HP1BP3: variants seen among roughly 807,000 people sequenced by gnomAD.
HP1BP3 encodes heterochromatin protein 1 binding protein 3.
HP1BP3 carries 12 observed loss-of-function variants against 62.5 expected under a neutral mutation model. The ratio of observed to expected loss-of-function variants is 0.19; its 90% CI spans 0.12 to 0.31. The LOEUF (loss-of-function observed/expected upper bound fraction) is 0.31, where lower values mean the gene tolerates loss of function less well. Ranked by LOEUF, HP1BP3 falls within the 10% of genes least tolerant of loss-of-function variation. The pLI, the probability that HP1BP3 is intolerant of heterozygous loss-of-function variation, is 1.00. For synonymous variants in HP1BP3, 260 were observed against 237.8 expected, an observed-to-expected ratio of 1.09 and a Z score of -0.86; for missense variants, 502 against 651.8, an observed-to-expected ratio of 0.77 and a Z score of 2.50.
intron 1 of HP1BP3, among the ~76,000 whole-genome samples, chr1:20,781,727 A>G (rs2057559378): frequency 6.6e-6 from 1 of 152,164 alleles, no homozygotes; most frequent in African/African-American, 2.4e-5. Flanking sequence ...CCTTGGTTCA[A>G]GCGATTCTCC....
chr1:20,752,778 T>A (rs1169590218), intron 9 of HP1BP3, among the ~76,000 whole-genome samples: 1 of 152,216 alleles, frequency 6.6e-6, no homozygotes, highest in Non-Finnish European at 1.5e-5. Flanking sequence ...CTAAAAATTA[T>A]TTTATTAAAT....
intron 9 of HP1BP3, among the ~76,000 whole-genome samples, chr1:20,756,738 T>C (rs573898866): frequency 2.0e-5 from 3 of 152,354 alleles, no homozygotes; most frequent in East Asian, 3.9e-4. Context: ...TTGTTTGAGA[T>C]GGCATCTCGC....
chr1:20,771,057 C>T lies in HP1BP3; in HGVS notation c.527G>A (p.Ser176Asn). ...TEAIKACFQK[S>N]GASVVAIRKY... ...TCGAATAGCAACCACTGATGCACCA[C>T]TCTTCTGGAAGCATGCCTAGAAAAG... The change falls in exon 6 of 13, where the codon AGT (serine) becomes AAT (asparagine). Residue 176 changes from serine to asparagine, a missense_variant. Around this residue, in one of 5 missense-constraint regions of HP1BP3, gnomAD observed 111 missense variants for 242.0 expected, o/e 0.46. Coordinates refer to ENST00000438032, the MANE Select transcript of HP1BP3 (RefSeq NM_001372052.1). The T allele has an allele frequency of 6.2e-7, 1 of 1,605,664 alleles. No homozygotes were observed. Among genetic ancestry groups the T allele is most frequent in the Non-Finnish European group, 8.5e-7 (1 of 1,177,294 alleles).
At chr1:20,779,713 A>AG in intron 3 of HP1BP3, 99 bp downstream of exon 3, 1 of 576,032 alleles carries the variant, frequency 1.7e-6, no homozygotes, top group Non-Finnish European at 2.7e-6. Flanking sequence ...TTAGCCATGA[A>AG]AAAAAAAAAA....
intron 6 of HP1BP3, among the ~76,000 whole-genome samples, chr1:20,768,389 T>C (rs1252067392): frequency 6.6e-6 from 1 of 152,094 alleles, no homozygotes; most frequent in Non-Finnish European, 1.5e-5. Context: ...GAGCTTGCAG[T>C]GAGCTGAGAT....
intron 6 of HP1BP3, 53 bp from the exon 7 acceptor site, chr1:20,767,717 A>G (rs1343160602): frequency 8.5e-7 from 1 of 1,181,222 alleles, no homozygotes; most frequent in Non-Finnish European, 1.2e-6. Context: ...ACAGTAGGCT[A>G]AGGAAATTAC....
intron 1 of HP1BP3, among the ~76,000 whole-genome samples, chr1:20,785,115 G>A (rs138579341): frequency 2.1e-3 from 319 of 152,190 alleles, no homozygotes; most frequent in African/African-American, 7.3e-3. Context: ...TAGAGACAGG[G>A]TTGCCCAAGC....
At chr1:20,757,037 T>C in intron 9 of HP1BP3, 129 bp downstream of exon 9, 1 of 543,434 alleles carries the variant, frequency 1.8e-6, no homozygotes, top group Non-Finnish European at 3.3e-6. Context: ...ACATAGTAAA[T>C]GTTGACAGAT....
chr1:20,742,034 T>A lies in HP1BP3; in HGVS notation c.*2763A>T, dbSNP rs184794216. ...CCCTTTACATCACACTGAAACAAAC[T>A]GTCCTTATAGTTAACAGAACGTTAG... is the stretch of plus-strand genomic sequence containing the variant. On this transcript the variant is annotated 3_prime_UTR_variant, in exon 13 of 13. Coordinates refer to ENST00000438032, the MANE Select transcript of HP1BP3 (RefSeq NM_001372052.1). Among the ~76,000 whole-genome samples the A allele has an allele frequency of 6.6e-6, 1 of 152,366 alleles. No homozygotes were observed. The highest frequency in any genetic ancestry group is 2.1e-4 in the South Asian group (1 of 4,824).
chr1:20,756,534 C>A (rs1236167794), intron 9 of HP1BP3, among the ~76,000 whole-genome samples: 1 of 152,082 alleles, frequency 6.6e-6, no homozygotes, highest in African/African-American at 2.4e-5. Context: ...TGTGCCACTG[C>A]ACTCCAGCCT....
chr1:20,764,303 A>G (rs2056647281), intron 8 of HP1BP3, among the ~76,000 whole-genome samples: 1 of 151,680 alleles, frequency 6.6e-6, no homozygotes, highest in Non-Finnish European at 1.5e-5. Context: ...TTAAAGGCTA[A>G]GAATAAATTA....
chr1:20,745,342 C>T (rs939946240), intron 12 of HP1BP3, among the ~76,000 whole-genome samples: 10 of 152,164 alleles, frequency 6.6e-5, no homozygotes, highest in African/African-American at 2.4e-4. Flanking sequence ...AATAACTAAA[C>T]TATGGATACA....
At chr1:20,776,360 C>T (rs1011575539) in intron 4 of HP1BP3, 17 of 443,792 alleles carry the variant, frequency 3.8e-5, no homozygotes, top group Non-Finnish European at 5.1e-5. Context: ...AAACACATTC[C>T]AAAGCCAATG....
chr1:20,777,028 T>C (rs1206283255), intron 3 of HP1BP3, among the ~76,000 whole-genome samples: 2 of 152,216 alleles, frequency 1.3e-5, no homozygotes, highest in Admixed American at 6.5e-5. Flanking sequence ...ATTATTCTAC[T>C]TTGCAATATT....
Position 20,741,771 on chromosome 1 carries a change from C to A in HP1BP3, c.*3026G>T, listed in dbSNP as rs1487743432. ...GTGTATGAAACACTGTAAATGAGGT[C>A]ACTAAGCCACCAACAGAGTACTGAA... is the stretch of plus-strand genomic sequence containing the variant. On this transcript the variant is annotated 3_prime_UTR_variant, in exon 13 of 13. Transcript: ENST00000438032. 1.3e-5 allele frequency among the ~76,000 whole-genome samples: 2 copies of A among 152,178 alleles called. No individual in the cohort carries two copies. Among genetic ancestry groups the A allele is most frequent in the African/African-American group, 4.8e-5 (2 of 41,436 alleles).
At chr1:20,759,878 C>T (rs1026695211) in intron 8 of HP1BP3, among the ~76,000 whole-genome samples, 11 of 122,568 alleles carry the variant, frequency 9.0e-5, no homozygotes, top group Admixed American at 7.4e-4. Flanking sequence ...TTTTAAAGAC[C>T]GATTTTTTTT....
chr1:20,761,562 A>C (rs2056484212), intron 8 of HP1BP3, among the ~76,000 whole-genome samples: 1 of 145,830 alleles, frequency 6.9e-6, no homozygotes, highest in African/African-American at 2.5e-5. Flanking sequence ...TCAACATTTA[A>C]ATCAGACATC....
chr1:20,758,201 C>T (rs772024089), intron 8 of HP1BP3, among the ~76,000 whole-genome samples: 1 of 152,046 alleles, frequency 6.6e-6, no homozygotes, highest in African/African-American at 2.4e-5. Context: ...TATTAGAATC[C>T]TATTTAGCAT....
rs926618740 is a variant in HP1BP3 at position 20,742,728 on chromosome 1, TA to T, written c.*2068del. 13 of 152,732 alleles carry T rather than the reference TA, an allele frequency of 8.5e-5. No individual in the cohort carries two copies. The highest frequency in any genetic ancestry group is 3.1e-4 in the African/African-American group (13 of 41,578). The allele number at this position is 152,732 out of a possible 1,614,324, so 9.5% of individuals were successfully genotyped here. On this transcript the variant is annotated 3_prime_UTR_variant, in exon 13 of 13. Transcript: ENST00000438032. ...CATATTTTTCAAAATATATGTACAT[TA>T]AAAAAGGAAGATTTACAACAGGAAA...
Sources: allele counts gnomAD v4.1 joint callset (sites outside exome capture counted in the v4.1 genomes callset), GRCh38; gene constraint gnomAD v4.1.1; regional missense constraint gnomAD v4.1.1; transcripts MANE v1.5; gene names NCBI Gene and HGNC (gene_info 2026-07-23, HGNC 2026-07-21).